The following NAGK variants were observed in gnomAD, a reference collection of about 807,000 sequenced individuals.
NAGK encodes N-acetyl-D-glucosamine kinase.
Under a neutral mutation model 42.9 loss-of-function variants are expected in NAGK, and 35 were observed. That is an observed-to-expected ratio of 0.82 (90% CI 0.62 to 1.08). The LOEUF is 1.08. Among genes scored for constraint, NAGK ranks in the 50% least tolerant of loss-of-function variants. NAGK has a pLI of 0.00. For synonymous variants in NAGK, 172 were observed against 176.0 expected, an observed-to-expected ratio of 0.98 and a Z score of 0.18; for missense variants, 446 against 446.0, an observed-to-expected ratio of 1.00 and a Z score of 0.00.
chr2:71,072,621 C>G lies in NAGK; in HGVS notation c.356-20C>G, dbSNP rs749521474. 1 of 1,602,976 alleles carries G rather than the reference C, an allele frequency of 6.2e-7. No individual in the cohort carries two copies. The highest frequency in any genetic ancestry group is 1.3e-5 in the African/African-American group (1 of 74,766). On this transcript the variant is annotated intron_variant, in intron 4 of 9. Transcript: ENST00000244204. ...GTGCCAGGCCTCGGCCACACTGAGC[C>G]TCCTATTCCCTTTCCCCAGGTGGAG... is the stretch of plus-strand genomic sequence containing the variant.
chr2:71,075,785 G>A (rs907229246), intron 7 of NAGK, 143 bp downstream of exon 7: 30 of 793,412 alleles, frequency 3.8e-5, no homozygotes, highest in Non-Finnish European at 5.7e-5. Context: ...TGGCCTTGGT[G>A]GTGGTGGGCC....
intron 6 of NAGK, among the ~76,000 whole-genome samples, chr2:71,074,269 G>A (rs1672132415): frequency 6.6e-6 from 1 of 152,162 alleles, no homozygotes; most frequent in Non-Finnish European, 1.5e-5. Flanking sequence ...CTGGGACCAG[G>A]ACCAAGGAAG....
intron 1 of NAGK, 199 bp downstream of exon 1, chr2:71,068,911 A>G: frequency 7.7e-7 from 1 of 1,298,432 alleles, no homozygotes; most frequent in Non-Finnish European, 9.7e-7. Context: ...CCTGTGCAAC[A>G]GCCACACCCC....
At chr2:71,072,031 C>T (rs1191897667) in intron 4 of NAGK, among the ~76,000 whole-genome samples, 1 of 152,138 alleles carries the variant, frequency 6.6e-6, no homozygotes, top group African/African-American at 2.4e-5. Flanking sequence ...GATGGGAATC[C>T]AGGAGTGGGG....
intron 8 of NAGK, 81 bp downstream of exon 8, chr2:71,076,782 A>C (rs1672228551): frequency 9.6e-6 from 11 of 1,148,068 alleles, no homozygotes; most frequent in Admixed American, 1.9e-5. Context: ...CTATCCCATC[A>C]AACCCTGCAT....
At position 71,075,580 on chromosome 2, in the gene NAGK, C is replaced by T. The variant is rs148054431; in HGVS notation, c.605C>T (p.Thr202Ile). Residue 202 changes from threonine (T) to isoleucine (I), a missense_variant, in exon 7 of 10, where the codon ACT becomes ATT. Transcript: ENST00000244204. ...FQVPDRLGILTHLYRDFDKCR... is the reference protein window; with the variant it reads ...FQVPDRLGILIHLYRDFDKCR... The stretch of plus-strand genomic sequence containing the variant: ...GTGCCAGATCGGCTAGGGATACTCA[C>T]TCACCTGTATAGGGACTTTGATAAA... 1.9e-6 allele frequency: 3 copies of T among 1,614,078 alleles called. No homozygotes were observed. The highest frequency in any genetic ancestry group is 2.7e-5 in the African/African-American group (2 of 75,046).
chr2:71,074,603 C>T (rs1325074854), intron 6 of NAGK: 1 of 152,226 alleles, frequency 6.6e-6, no homozygotes. Flanking sequence ...CACCCACCCC[C>T]TCAGACATTT....
chr2:71,068,345 T>C (rs2103684154), upstream of NAGK: 2 of 655,114 alleles, frequency 3.1e-6, no homozygotes, highest in Non-Finnish European at 4.6e-6. Context: ...AGGTCAGTGA[T>C]GTGTCCTAAG....
At chr2:71,071,971 C>T in intron 4 of NAGK, 144 bp downstream of exon 4, 1 of 1,178,504 alleles carries the variant, frequency 8.5e-7, no homozygotes, top group South Asian at 1.6e-5. Context: ...GTTTAAGTCT[C>T]TGCCAGAGCA....
Position 71,073,536 on chromosome 2 carries a change from T to A in NAGK, c.521T>A (p.Leu174Gln). The change falls in exon 6 of 10, where the codon CTA (leucine) becomes CAA (glutamine). Residue 174 changes from leucine to glutamine, a missense_variant. Physicochemically the swap from Leu to Gln is moderately radical, Grantham distance 113. Coordinates refer to ENST00000244204, the MANE Select transcript of NAGK (RefSeq NM_017567.6). ...ATAGTGTTTGACTCCATTGACAACCTAGAGGCGGCTCCTCATGATATCGGC... is the reference window on the plus strand; with the variant it reads ...ATAGTGTTTGACTCCATTGACAACCAAGAGGCGGCTCCTCATGATATCGGC... Reference protein sequence around the residue: ...VKIVFDSIDNLEAAPHDIGYV... With the variant: ...VKIVFDSIDNQEAAPHDIGYV... 6.2e-7 allele frequency: 1 copy of A among 1,614,146 alleles called. No individual in the cohort carries two copies. Among genetic ancestry groups the A allele is most frequent in the Non-Finnish European group, 8.5e-7 (1 of 1,180,014 alleles).
Position 71,077,644 on chromosome 2 carries a change from T to C in NAGK, c.844+8T>C, listed in dbSNP as rs917601509. ...GGGAGCTGCTGAAGGAAGGTGAGCC[T>C]GGGGGGAGGCTGGAAGGGCAAGGGC... On this transcript the variant is annotated splice_region_variant and intron_variant, in intron 9 of 9. Coordinates refer to ENST00000244204, the MANE Select transcript of NAGK (RefSeq NM_017567.6). 5.0e-6 allele frequency: 8 copies of C among 1,599,906 alleles called. No homozygotes were observed. The African/African-American group carries it at 8.1e-5, about 16-fold the overall frequency.
At chr2:71,073,286 T>C (rs1318571395) in intron 5 of NAGK, 196 bp from the exon 6 acceptor site, 38 of 594,344 alleles carry the variant, frequency 6.4e-5, no homozygotes, top group Non-Finnish European at 9.9e-5. Flanking sequence ...CTTTCCCTTA[T>C]CTTGGTCAGT....
Position 71,078,515 on chromosome 2 carries a change from G to A in NAGK, c.*7G>A. ...TTCCTACACCTTTTCCTAGGGGGCT[G>A]GTCCCGGCTCCACCCCCTCCAAGCT... is the stretch of plus-strand genomic sequence containing the variant. On this transcript the variant is annotated 3_prime_UTR_variant, in exon 10 of 10. Coordinates refer to ENST00000244204, the MANE Select transcript of NAGK (RefSeq NM_017567.6). 1.3e-6 allele frequency: 2 copies of A among 1,513,252 alleles called. No individual in the cohort carries two copies. The highest frequency in any genetic ancestry group is 1.8e-6 in the Non-Finnish European group (2 of 1,124,072). The allele number at this position is 1,513,252 out of a possible 1,614,324, so 93.7% of individuals were successfully genotyped here.
intron 4 of NAGK, 149 bp downstream of exon 4, chr2:71,071,976 A>G (rs1672030140): frequency 1.7e-6 from 2 of 1,146,668 alleles, no homozygotes; most frequent in African/African-American, 1.6e-5. Flanking sequence ...AGTCTCTGCC[A>G]GAGCAAGGAC....
intron 5 of NAGK, 158 bp from the exon 6 acceptor site, chr2:71,073,324 A>ACCC: frequency 5.3e-6 from 1 of 188,396 alleles, no homozygotes; most frequent in Non-Finnish European, 1.1e-5. Flanking sequence ...AGACCCTCCC[A>ACCC]CCCCCCTCTC....
At chr2:71,074,847 C>CG (rs1672152564) in intron 6 of NAGK, 1 of 151,730 alleles carries the variant, frequency 6.6e-6, no homozygotes, top group Non-Finnish European at 1.5e-5. Flanking sequence ...ACCTGGGAGG[C>CG]GGAGGTTGCA....
chr2:71,074,991 G>A (rs1039488680), intron 6 of NAGK: 1 of 152,408 alleles, frequency 6.6e-6, no homozygotes, highest in Non-Finnish European at 1.5e-5. Context: ...GTATAAGTTT[G>A]TTGGGATTGG....
intron 5 of NAGK, 109 bp from the exon 6 acceptor site, chr2:71,073,373 A>C: frequency 5.9e-6 from 4 of 680,850 alleles, no homozygotes; most frequent in South Asian, 3.2e-5. Flanking sequence ...CAGGAAACCT[A>C]ATTTGTATAA....
intron 8 of NAGK, 162 bp from the exon 9 acceptor site, chr2:71,077,396 C>T (rs1672251369): frequency 3.1e-6 from 2 of 650,484 alleles, no homozygotes; most frequent in African/African-American, 1.8e-5. Flanking sequence ...CAAATGTCTC[C>T]TATTTTCCTC....
Sources: allele counts gnomAD v4.1 joint callset (sites outside exome capture counted in the v4.1 genomes callset), GRCh38; gene constraint gnomAD v4.1.1; transcripts MANE v1.5; gene names NCBI Gene and HGNC (gene_info 2026-07-23, HGNC 2026-07-21).